The following ZBTB7C variants were observed in gnomAD, a reference collection of about 807,000 sequenced individuals.
ZBTB7C encodes zinc finger and BTB domain-containing protein 7C.
In ZBTB7C, 8 loss-of-function variants were observed where a neutral mutation model predicts 25.7. That is an observed-to-expected ratio of 0.31 (90% CI 0.18 to 0.56). ZBTB7C has a LOEUF of 0.56. Among genes scored for constraint, ZBTB7C ranks in the 20% least tolerant of loss-of-function variants. The pLI is 0.91. For synonymous variants in ZBTB7C, 394 were observed against 369.0 expected, an observed-to-expected ratio of 1.07 and a Z score of -0.78; for missense variants, 824 against 855.2, an observed-to-expected ratio of 0.96 and a Z score of 0.46.
intron 4 of ZBTB7C, among the ~76,000 whole-genome samples, chr18:48,037,018 G>A (rs1267697401): frequency 2.0e-5 from 3 of 152,180 alleles, no homozygotes; most frequent in Admixed American, 6.5e-5. Context: ...AGTGGGGAGT[G>A]TCCCACAAGG....
intron 2 of ZBTB7C, among the ~76,000 whole-genome samples, chr18:48,305,410 G>A (rs912682063): frequency 3.9e-5 from 6 of 152,108 alleles, no homozygotes; most frequent in African/African-American, 4.8e-5. Flanking sequence ...GCTTTGCTGC[G>A]GGCAAGCTAA....
chr18:48,274,070 T>C (rs2044571389), intron 2 of ZBTB7C, among the ~76,000 whole-genome samples: 1 of 152,208 alleles, frequency 6.6e-6, no homozygotes, highest in Admixed American at 6.5e-5. Flanking sequence ...CCCATCTTTT[T>C]CATGATACAT....
At chr18:48,077,059 A>G in intron 3 of ZBTB7C, 1 of 510,262 alleles carries the variant, frequency 2.0e-6, no homozygotes, top group Non-Finnish European at 2.3e-6. Flanking sequence ...ATGTTGTTAT[A>G]TGCAAAAAAA....
intron 2 of ZBTB7C, among the ~76,000 whole-genome samples, chr18:48,199,149 G>T (rs533590245): frequency 2.6e-5 from 4 of 152,284 alleles, no homozygotes; most frequent in South Asian, 2.1e-4. Context: ...CTCTCTGAAG[G>T]TTCTATAACT....
At chr18:48,080,514 TC>T (rs2144480429) in intron 3 of ZBTB7C, among the ~76,000 whole-genome samples, 1 of 152,348 alleles carries the variant, frequency 6.6e-6, no homozygotes, top group East Asian at 1.9e-4. Flanking sequence ...TTCCTAGGCA[TC>T]CTTCTACTTT....
chr18:48,412,095 TACTCC>T (rs992609653), upstream of ZBTB7C, among the ~76,000 whole-genome samples: 1 of 152,242 alleles, frequency 6.6e-6, no homozygotes, highest in African/African-American at 2.4e-5. Flanking sequence ...GGTCCCTTTC[TACTCC>T]ATAGAGATGC....
chr18:48,075,574 C>T (rs1326320682), intron 3 of ZBTB7C, among the ~76,000 whole-genome samples: 1 of 152,162 alleles, frequency 6.6e-6, no homozygotes, highest in African/African-American at 2.4e-5. Context: ...TTGATTGATT[C>T]CTCCTCCTGC....
At chr18:48,333,345 G>A (rs891324696) in intron 2 of ZBTB7C, among the ~76,000 whole-genome samples, 6 of 152,326 alleles carry the variant, frequency 3.9e-5, no homozygotes, top group Admixed American at 3.3e-4. Context: ...CAGACTCGGT[G>A]AGGAAAGAGT....
At chr18:48,132,218 T>C (rs554173612) in intron 3 of ZBTB7C, among the ~76,000 whole-genome samples, 6 of 152,352 alleles carry the variant, frequency 3.9e-5, no homozygotes, top group South Asian at 2.1e-4. Flanking sequence ...GGTGTATCTA[T>C]ACAAGGAATA....
intron 2 of ZBTB7C, among the ~76,000 whole-genome samples, chr18:48,292,184 G>A (rs185265246): frequency 6.7e-6 from 1 of 150,360 alleles, no homozygotes; most frequent in African/African-American, 2.5e-5. Context: ...GGTGACAGAG[G>A]GAGACTCCAT....
chr18:48,144,293 T>TAAA (rs1335457454), intron 3 of ZBTB7C, among the ~76,000 whole-genome samples: 33 of 140,544 alleles, frequency 2.3e-4, no homozygotes, highest in Admixed American at 2.2e-3. Context: ...AAAAAAATTT[T>TAAA]TTTTTTCTTA....
chr18:48,237,508 G>T (rs1326240506), intron 2 of ZBTB7C, among the ~76,000 whole-genome samples: 1 of 152,144 alleles, frequency 6.6e-6, no homozygotes, highest in Non-Finnish European at 1.5e-5. Flanking sequence ...TCAGGGAAAT[G>T]AAAATTAAAA....
intron 1 of ZBTB7C, among the ~76,000 whole-genome samples, chr18:48,386,112 C>G (rs1376761255): frequency 1.3e-5 from 2 of 152,216 alleles, no homozygotes; most frequent in Admixed American, 6.5e-5. Flanking sequence ...ATAGGCTGCT[C>G]TCTTTGGTTA....
chr18:48,079,426 T>C (rs374542498), intron 3 of ZBTB7C, among the ~76,000 whole-genome samples: 3 of 152,336 alleles, frequency 2.0e-5, no homozygotes, highest in East Asian at 3.9e-4. Context: ...CACTATCCCA[T>C]CTCAGAGATT....
chr18:48,145,135 T>C (rs1367633535), intron 3 of ZBTB7C, among the ~76,000 whole-genome samples: 1 of 152,170 alleles, frequency 6.6e-6, no homozygotes, highest in Non-Finnish European at 1.5e-5. Context: ...AACTTCTCAG[T>C]GGACTGGAAA....
chr18:48,178,241 C>T (rs1312840463), intron 3 of ZBTB7C, among the ~76,000 whole-genome samples: 1 of 152,214 alleles, frequency 6.6e-6, no homozygotes, highest in African/African-American at 2.4e-5. Context: ...AGGCAGTGCC[C>T]TCTCCCTTAA....
intron 3 of ZBTB7C, among the ~76,000 whole-genome samples, chr18:48,070,418 TG>T (rs960363704): frequency 2.0e-5 from 3 of 152,152 alleles, no homozygotes; most frequent in Admixed American, 2.0e-4. Flanking sequence ...AGAAAAGGAT[TG>T]GTGCTATCTT....
chr18:48,328,361 T>C (rs1172918626), intron 2 of ZBTB7C, among the ~76,000 whole-genome samples: 2 of 152,172 alleles, frequency 1.3e-5, no homozygotes, highest in Non-Finnish European at 2.9e-5. Flanking sequence ...AAATTGTAGA[T>C]AGTGATGATC....
intron 2 of ZBTB7C, among the ~76,000 whole-genome samples, chr18:48,230,195 C>G (rs936356368): frequency 6.6e-6 from 1 of 152,218 alleles, no homozygotes; most frequent in South Asian, 2.1e-4. Flanking sequence ...AAACAACACT[C>G]CCCTGAAGAA....
Sources: allele counts gnomAD v4.1 joint callset (sites outside exome capture counted in the v4.1 genomes callset), GRCh38; gene constraint gnomAD v4.1.1; transcripts MANE v1.5; gene names NCBI Gene and HGNC (gene_info 2026-07-23, HGNC 2026-07-21).